The following CRKL variants were observed in gnomAD, a reference collection of about 807,000 sequenced individuals.
The protein encoded by CRKL is CRK like proto-oncogene, adaptor protein, also known as crk-like protein.
A neutral mutation model predicts 23.0 loss-of-function variants in CRKL; 3 were observed. The observed-to-expected ratio is 0.13, with a 90% CI of 0.06 to 0.34. The LOEUF is 0.34. Among genes scored for constraint, CRKL ranks in the 10% least tolerant of loss-of-function variants. The pLI is 1.00. For missense variants in CRKL, 256 were observed against 394.5 expected (o/e 0.65, Z 2.97); for synonymous variants, 188 against 160.7 (o/e 1.17, Z -1.28).
At chr22:20,929,819 G>T (rs949005881) in intron 1 of CRKL, among the ~76,000 whole-genome samples, 3 of 152,230 alleles carry the variant, frequency 2.0e-5, no homozygotes, top group Non-Finnish European at 4.4e-5. Flanking sequence ...CTTGCTCAAA[G>T]AACAAATAAT....
intron 2 of CRKL, among the ~76,000 whole-genome samples, chr22:20,941,302 C>T (rs564785733): frequency 6.6e-6 from 1 of 151,924 alleles, no homozygotes; most frequent in South Asian, 2.1e-4. Context: ...CCACTTGCCT[C>T]CTTGGACCTT....
At chr22:20,940,207 C>T (rs1224515846) in intron 2 of CRKL, among the ~76,000 whole-genome samples, 1 of 152,038 alleles carries the variant, frequency 6.6e-6, no homozygotes, top group Non-Finnish European at 1.5e-5. Context: ...TTCTATGCAG[C>T]CTCTCCAGAT....
intron 1 of CRKL, among the ~76,000 whole-genome samples, chr22:20,926,780 A>G (rs1031847316): frequency 3.3e-5 from 5 of 152,006 alleles, no homozygotes; most frequent in Non-Finnish European, 7.4e-5. Context: ...GACAGAAGGG[A>G]GGGGACCTGG....
chr22:20,918,328 G>A, intron 1 of CRKL, 83 bp downstream of exon 1: 1 of 1,454,860 alleles, frequency 6.9e-7, no homozygotes, highest in Non-Finnish European at 9.2e-7. Flanking sequence ...GGTGGGGCGC[G>A]CTTGAACCCA....
chr22:20,951,263 TAAGTAAG>T lies in CRKL; in HGVS notation c.*1419_*1425del. On this transcript the variant is annotated 3_prime_UTR_variant, in exon 3 of 3. Coordinates refer to ENST00000354336, the MANE Select transcript of CRKL (RefSeq NM_005207.4). ...TGCTGCTCATACTGGTCTCACAGTC[TAAGTAAG>T]TGTCTGTGATGCTCCCAAGCAAAGG... The T allele has an allele frequency of 4.3e-6, 1 of 232,548 alleles. No homozygotes were observed. The allele number at this position is 232,548 out of a possible 1,614,324, so 14.4% of individuals were successfully genotyped here.
chr22:20,941,578 G>A (rs12167072), intron 2 of CRKL, among the ~76,000 whole-genome samples: 24,123 of 38,636 alleles, frequency 0.62, 9,029 homozygotes, highest in South Asian at 0.86. Flanking sequence ...GTGTGTGTGT[G>A]TATATATATA....
intron 2 of CRKL, among the ~76,000 whole-genome samples, chr22:20,947,940 T>G (rs1268023681): frequency 6.6e-6 from 1 of 151,998 alleles, no homozygotes; most frequent in Non-Finnish European, 1.5e-5. Flanking sequence ...CACTTCAGCT[T>G]CCCAAAGTGC....
intron 1 of CRKL, among the ~76,000 whole-genome samples, chr22:20,926,544 T>C (rs1392024487): frequency 6.6e-6 from 1 of 152,140 alleles, no homozygotes; most frequent in Non-Finnish European, 1.5e-5. Context: ...AGAATCTTTC[T>C]TTGAGGTACC....
chr22:20,943,334 G>C (rs1429977051), intron 2 of CRKL, among the ~76,000 whole-genome samples: 4 of 152,072 alleles, frequency 2.6e-5, no homozygotes, highest in African/African-American at 9.7e-5. Flanking sequence ...CTGCCTTCCA[G>C]ATTCAAGCAA....
chr22:20,939,865 T>C (rs1178372688), intron 2 of CRKL, among the ~76,000 whole-genome samples: 1 of 150,638 alleles, frequency 6.6e-6, no homozygotes, highest in Non-Finnish European at 1.5e-5. Flanking sequence ...CTCGGCTCAC[T>C]GCACCCTCTA....
At chr22:20,930,025 G>T (rs1259969506) in intron 1 of CRKL, among the ~76,000 whole-genome samples, 1 of 152,146 alleles carries the variant, frequency 6.6e-6, no homozygotes, top group Admixed American at 6.6e-5. Flanking sequence ...TTGTGTCAGG[G>T]TTATGGCTGG....
Position 20,952,545 on chromosome 22 carries a change from T to C in CRKL, c.*2700T>C, listed in dbSNP as rs901903065. ...TACTCTGTTTTTCACACTAAACATA[T>C]GAATGCAGCACTGCTGCCTCAGCTC... On this transcript the variant is annotated 3_prime_UTR_variant, in exon 3 of 3. Coordinates refer to ENST00000354336, the MANE Select transcript of CRKL (RefSeq NM_005207.4). 7.8e-5 allele frequency: 18 copies of C among 232,164 alleles called. No homozygotes were observed. The highest frequency in any genetic ancestry group is 1.3e-4 in the Non-Finnish European group (15 of 117,274). The allele number at this position is 232,164 out of a possible 1,614,324, so 14.4% of individuals were successfully genotyped here. A position where few individuals can be genotyped will look rare whatever the true frequency, so the allele number is the denominator to read the frequency against.
intron 1 of CRKL, among the ~76,000 whole-genome samples, chr22:20,926,524 T>C (rs1305506636): frequency 6.6e-6 from 1 of 152,152 alleles, no homozygotes; most frequent in Non-Finnish European, 1.5e-5. Flanking sequence ...CGTGATTCTT[T>C]TCAACAGGAA....
chr22:20,917,821 C>T lies in CRKL; in HGVS notation c.-114C>T. The stretch of plus-strand genomic sequence containing the variant: ...CTGGCCCAGCCCTCTGAGCGCTCCT[C>T]GAGGTGTGCGAGAGGCCCTTCCTCG... On this transcript the variant is annotated 5_prime_UTR_variant, in exon 1 of 3. Coordinates refer to ENST00000354336, the MANE Select transcript of CRKL (RefSeq NM_005207.4). The T allele has an allele frequency of 9.7e-7, 1 of 1,026,148 alleles. No individual in the cohort carries two copies. Among genetic ancestry groups the T allele is most frequent in the African/African-American group, 1.6e-5 (1 of 61,674 alleles). 63.6% of individuals were successfully genotyped at this position (1,026,148 alleles called of 1,614,324 possible). A position where few individuals can be genotyped will look rare whatever the true frequency, so the allele number is the denominator to read the frequency against.
At chr22:20,935,475 G>T (rs551116646) in intron 2 of CRKL, among the ~76,000 whole-genome samples, 1 of 151,888 alleles carries the variant, frequency 6.6e-6, no homozygotes, top group South Asian at 2.1e-4. Context: ...AATTAGAATA[G>T]CATGAAATAG....
At position 20,933,933 on chromosome 22, in the gene CRKL, C is replaced by A. The variant is rs2147904956; in HGVS notation, c.466C>A (p.Pro156Thr). 6.2e-7 allele frequency: 1 copy of A among 1,614,106 alleles called. No homozygotes were observed. Among genetic ancestry groups the A allele is most frequent in the Non-Finnish European group, 8.5e-7 (1 of 1,180,026 alleles). Residue 156 changes from proline to threonine, a missense_variant, in exon 2 of 3, where the codon CCT (proline) becomes ACT (threonine). Around this residue, in one of 3 missense-constraint regions of CRKL, gnomAD observed 129 missense variants for 222.1 expected, o/e 0.58. Coordinates refer to ENST00000354336, the MANE Select transcript of CRKL (RefSeq NM_005207.4). ...TGAGATCCTAGTGATAATAGAGAAGCCTGAAGAACAGTGGTGGAGTGCCCG... is the reference window on the plus strand; with the variant it reads ...TGAGATCCTAGTGATAATAGAGAAGACTGAAGAACAGTGGTGGAGTGCCCG... ...KGEILVIIEKPEEQWWSARNK... is the reference protein window; with the variant it reads ...KGEILVIIEKTEEQWWSARNK...
chr22:20,946,686 G>A (rs1922066808), intron 2 of CRKL, among the ~76,000 whole-genome samples: 1 of 149,670 alleles, frequency 6.7e-6, no homozygotes, highest in Non-Finnish European at 1.5e-5. Flanking sequence ...TTCATTACTA[G>A]AGAAGTTTCT....
intron 2 of CRKL, among the ~76,000 whole-genome samples, chr22:20,947,502 G>A (rs1033594579): frequency 6.6e-6 from 1 of 150,410 alleles, no homozygotes; most frequent in African/African-American, 2.4e-5. Context: ...ACCACGCCTG[G>A]TGATTTTTGT....
chr22:20,940,142 A>C (rs1921818326), intron 2 of CRKL, among the ~76,000 whole-genome samples: 1 of 152,056 alleles, frequency 6.6e-6, no homozygotes, highest in Non-Finnish European at 1.5e-5. Flanking sequence ...ATTACCCTCC[A>C]GTTTCCTAAC....
Sources: allele counts gnomAD v4.1 joint callset (sites outside exome capture counted in the v4.1 genomes callset), GRCh38; gene constraint gnomAD v4.1.1; regional missense constraint gnomAD v4.1.1; transcripts MANE v1.5; gene names NCBI Gene and HGNC (gene_info 2026-07-23, HGNC 2026-07-21).